The following TRAPPC3L variants were observed in gnomAD, a reference collection of about 807,000 sequenced individuals.
TRAPPC3L encodes trafficking protein particle complex subunit 3-like protein.
In TRAPPC3L, 23 loss-of-function variants were observed where a neutral mutation model predicts 23.7. The observed-to-expected ratio is 0.97, with a 90% CI of 0.70 to 1.37. The LOEUF (loss-of-function observed/expected upper bound fraction) is 1.37, where lower values mean the gene tolerates loss of function less well. Ranked by LOEUF, TRAPPC3L falls within the 40% of genes most tolerant of loss-of-function variation. The pLI is 0.00. For synonymous variants in TRAPPC3L, 81 were observed against 77.9 expected (o/e 1.04, Z -0.21); for missense variants, 212 against 216.8 (o/e 0.98, Z 0.14).
At chr6:116,508,491 T>G (rs1772045928) in intron 3 of TRAPPC3L, among the ~76,000 whole-genome samples, 1 of 152,184 alleles carries the variant, frequency 6.6e-6, no homozygotes, top group African/African-American at 2.4e-5. Context: ...ATCCTTTTCT[T>G]GTCAGCATAG....
intron 3 of TRAPPC3L, among the ~76,000 whole-genome samples, chr6:116,526,978 C>T (rs1772448132): frequency 6.6e-6 from 1 of 152,140 alleles, no homozygotes; most frequent in Non-Finnish European, 1.5e-5. Context: ...CTCTGACCTT[C>T]CTGCTGTTTC....
At chr6:116,531,827 G>C (rs1197129802) in intron 3 of TRAPPC3L, among the ~76,000 whole-genome samples, 2 of 149,466 alleles carry the variant, frequency 1.3e-5, no homozygotes, top group African/African-American at 4.9e-5. Context: ...ATAAATAATG[G>C]AAAAAACAAT....
intron 1 of TRAPPC3L, 87 bp downstream of exon 1, chr6:116,545,386 T>C (rs1773718815): frequency 2.6e-6 from 3 of 1,175,202 alleles, no homozygotes; most frequent in South Asian, 1.5e-5. Flanking sequence ...AAAATTCTTA[T>C]AGCATCAGTT....
At chr6:116,542,704 T>C (rs1161381473) in intron 2 of TRAPPC3L, among the ~76,000 whole-genome samples, 1 of 152,124 alleles carries the variant, frequency 6.6e-6, no homozygotes, top group Non-Finnish European at 1.5e-5. Context: ...AGAATGGGTC[T>C]CATTTAAAAA....
Position 116,510,384 on chromosome 6 carries a change from C to T in TRAPPC3L, c.241-9718G>A, listed in dbSNP as rs536632898. On this transcript the variant is annotated intron_variant, in intron 3 of 4. Coordinates refer to ENST00000368602, the MANE Select transcript of TRAPPC3L (RefSeq NM_001139444.3). The stretch of plus-strand genomic sequence containing the variant: ...ACAACCTCAGCCTCCTGGGCTCAAG[C>T]GATCCTCCCATCTCTGCCTCCTGAG... Among the ~76,000 whole-genome samples, 9 of 152,218 alleles carry T rather than the reference C, an allele frequency of 5.9e-5. No individual in the cohort carries two copies. The South Asian group carries it at 1.2e-3, about 21-fold the overall frequency.
chr6:116,503,774 T>G (rs1409014915), intron 3 of TRAPPC3L, among the ~76,000 whole-genome samples: 3 of 152,138 alleles, frequency 2.0e-5, no homozygotes, highest in African/African-American at 7.2e-5. Flanking sequence ...CAATGACTAC[T>G]GTGTAAATAA....
At chr6:116,515,694 T>C in intron 3 of TRAPPC3L, 2 of 1,614,006 alleles carry the variant, frequency 1.2e-6, no homozygotes, top group Non-Finnish European at 1.7e-6. Flanking sequence ...TACCTTCAGC[T>C]GAGTTTTTGG....
At position 116,527,038 on chromosome 6, in the gene TRAPPC3L, A is replaced by G. The variant is rs528567723; in HGVS notation, c.240+13325T>C. ...ATGTGAAGGATATCCTCCCTGTACT[A>G]GAAAGAAAGCAACACTCTTAACATC... On this transcript the variant is annotated intron_variant, in intron 3 of 4. Coordinates refer to ENST00000368602, the MANE Select transcript of TRAPPC3L (RefSeq NM_001139444.3). Among the ~76,000 whole-genome samples, 94 of 152,334 alleles carry G rather than the reference A, an allele frequency of 6.2e-4. 1 individual carries two copies. Among genetic ancestry groups the G allele is most frequent in the African/African-American group, 2.2e-3 (91 of 41,576 alleles).
rs762406312 is a variant in TRAPPC3L, at chr6:116,496,775, A to G, written c.*179T>C. On this transcript the variant is annotated 3_prime_UTR_variant, in exon 5 of 5. Coordinates refer to ENST00000368602, the MANE Select transcript of TRAPPC3L (RefSeq NM_001139444.3). Reference sequence around the variant, plus strand: ...GTGGACATGAGATTGAAAATGCGTGATTTATAAGCAAAAGGAAAAAAAAAC... The same window carrying G: ...GTGGACATGAGATTGAAAATGCGTGGTTTATAAGCAAAAGGAAAAAAAAAC... The G allele has an allele frequency of 3.8e-5, 32 of 840,994 alleles. No homozygotes were observed. The highest frequency in any genetic ancestry group is 2.7e-4 in the East Asian group (8 of 29,968). 52.1% of individuals were successfully genotyped at this position (840,994 alleles called of 1,614,324 possible).
At chr6:116,533,889 C>T (rs1310226030) in intron 3 of TRAPPC3L, among the ~76,000 whole-genome samples, 2 of 152,152 alleles carry the variant, frequency 1.3e-5, no homozygotes, top group African/African-American at 4.8e-5. Flanking sequence ...CCCCATCAGC[C>T]CACTTACACC....
intron 3 of TRAPPC3L, chr6:116,512,197 C>T (rs1348412166): frequency 5.0e-6 from 8 of 1,606,834 alleles, no homozygotes; most frequent in Non-Finnish European, 6.8e-6. Context: ...TACCTACCGT[C>T]AATGAAGAAC....
intron 3 of TRAPPC3L, chr6:116,517,191 TG>T (rs1237883323): frequency 6.6e-6 from 1 of 152,040 alleles, no homozygotes. Flanking sequence ...ACTATCAGCT[TG>T]GGGGTTAAGA....
In TRAPPC3L at chr6:116,500,531, GAGA is replaced by G. The variant is rs770427838; in HGVS notation, c.373_375del (p.Ser125del). 3.8e-5 allele frequency: 59 copies of G among 1,551,718 alleles called. 1 individual carries two copies. In the East Asian group the frequency reaches 1.1e-3, roughly 30 times the overall value. ...CCACAGAGCAAGTTGCAGTAGCACAGAGAAGATCGCCCAGCAGGGAGCTCTTCC... is the reference window on the plus strand; with the variant it reads ...CCACAGAGCAAGTTGCAGTAGCACAGAGATCGCCCAGCAGGGAGCTCTTCC... On this transcript the variant is annotated inframe_deletion, in exon 4 of 5. Transcript: ENST00000368602.
chr6:116,508,722 A>C (rs1034240503), intron 3 of TRAPPC3L, among the ~76,000 whole-genome samples: 10 of 152,106 alleles, frequency 6.6e-5, no homozygotes, highest in Non-Finnish European at 1.2e-4. Flanking sequence ...TTAGGAAGAT[A>C]AAAAATGAAA....
In TRAPPC3L at chr6:116,503,466, C is replaced by G. The variant is rs1771952972; in HGVS notation, c.241-2800G>C. On this transcript the variant is annotated intron_variant, in intron 3 of 4. Coordinates refer to ENST00000368602, the MANE Select transcript of TRAPPC3L (RefSeq NM_001139444.3). ...TCACTGTCAATATTAGACAGATCAACGAGACAGAAAATTAACAAGGATATC... is the reference window on the plus strand; with the variant it reads ...TCACTGTCAATATTAGACAGATCAAGGAGACAGAAAATTAACAAGGATATC... Among the ~76,000 whole-genome samples the G allele has an allele frequency of 2.0e-5, 3 of 152,220 alleles. 1 individual carries two copies. The East Asian group carries it at 5.8e-4, about 29-fold the overall frequency.
At chr6:116,527,514 C>CAA (rs1278493166) in intron 3 of TRAPPC3L, among the ~76,000 whole-genome samples, 9 of 24,484 alleles carry the variant, frequency 3.7e-4, no homozygotes, top group Non-Finnish European at 5.0e-4. Flanking sequence ...GACTCCGTCT[C>CAA]AAAACAAAAA....
chr6:116,542,186 C>T (rs1331398797), intron 2 of TRAPPC3L, among the ~76,000 whole-genome samples: 1 of 152,084 alleles, frequency 6.6e-6, no homozygotes, highest in Non-Finnish European at 1.5e-5. Context: ...CTTAACATTC[C>T]TCACAGCTAT....
intron 3 of TRAPPC3L, chr6:116,520,506 T>A (rs1772312819): frequency 6.6e-6 from 1 of 152,164 alleles, no homozygotes; most frequent in Non-Finnish European, 1.5e-5. Context: ...AGAGGTTGGA[T>A]GGAAAGCATC....
intron 3 of TRAPPC3L, among the ~76,000 whole-genome samples, chr6:116,536,337 T>G (rs1476683790): frequency 6.6e-6 from 1 of 152,188 alleles, no homozygotes; most frequent in East Asian, 1.9e-4. Flanking sequence ...TGGCGCAACT[T>G]AAGTCTACTA....
Sources: allele counts gnomAD v4.1 joint callset (sites outside exome capture counted in the v4.1 genomes callset), GRCh38; gene constraint gnomAD v4.1.1; transcripts MANE v1.5; gene names NCBI Gene and HGNC (gene_info 2026-07-23, HGNC 2026-07-21).